Variants in SNX17 observed in about 807,000 individuals in gnomAD.
The protein encoded by SNX17 is sorting nexin-17.
SNX17 carries 35 observed loss-of-function variants against 64.3 expected under a neutral mutation model. The ratio of observed to expected loss-of-function variants is 0.54; its 90% CI spans 0.42 to 0.72. The LOEUF (loss-of-function observed/expected upper bound fraction) is 0.72, where lower values mean the gene tolerates loss of function less well. Ranked by LOEUF, SNX17 falls within the 30% of genes least tolerant of loss-of-function variation. The probability of loss-of-function intolerance (pLI) is 0.00; values close to 1 mark genes in which losing one functional copy is unlikely to be tolerated. For synonymous variants in SNX17, 259 were observed against 230.2 expected (o/e 1.13, Z -1.13); for missense variants, 538 against 610.0 (o/e 0.88, Z 1.24).
chr2:27,376,812 T>G lies in SNX17; in HGVS notation c.*93T>G, dbSNP rs573581841. ...CCCCCATGCTAGGGGCGGAGGGGTC[T>G]TTTCCTTCTTCTTTCCTACCTACCC... On this transcript the variant is annotated 3_prime_UTR_variant, in exon 15 of 15. Coordinates refer to ENST00000233575, the MANE Select transcript of SNX17 (RefSeq NM_014748.4). 9.6e-7 allele frequency: 1 copy of G among 1,038,898 alleles called. No homozygotes were observed. The highest frequency in any genetic ancestry group is 2.1e-5 in the Admixed American group (1 of 47,450). 64.4% of individuals were successfully genotyped at this position (1,038,898 alleles called of 1,614,324 possible). A position where few individuals can be genotyped will look rare whatever the true frequency, so the allele number is the denominator to read the frequency against.
At position 27,375,849 on chromosome 2, in the gene SNX17, C is replaced by T; in HGVS notation, c.982C>T (p.Pro328Ser). The T allele has an allele frequency of 6.2e-7, 1 of 1,613,954 alleles. No homozygotes were observed. Among genetic ancestry groups the T allele is most frequent in the South Asian group, 1.1e-5 (1 of 91,066 alleles). ...CGAATTCCCCTTCCTCTCCCAGGTA[C>T]CATTGCCCAGTGGAAGCACGAGCAG... ...MRCWRVTSSV[P>S]LPSGSTSSPG... is the part of the protein sequence containing the mutation. The change falls in exon 11 of 15, where the codon CCA becomes TCA. Residue 328 changes from proline to serine, a missense_variant. Pro to Ser is a moderately conservative substitution (Grantham distance 74). Around this residue, in one of 3 missense-constraint regions of SNX17, gnomAD observed 505 missense variants for 550.4 expected, o/e 0.92. Coordinates refer to ENST00000233575, the MANE Select transcript of SNX17 (RefSeq NM_014748.4). This position sits in a 1 kb window ranked among gnomAD's most constrained non-coding sequence, Gnocchi z 4.1.
chr2:27,373,786 C>T, intron 4 of SNX17, 75 bp from the exon 5 acceptor site: 1 of 1,012,162 alleles, frequency 9.9e-7, no homozygotes, highest in Non-Finnish European at 1.5e-6. Context: ...CACAAGGGAC[C>T]TAGAAATAGA....
chr2:27,373,009 C>T lies in SNX17; in HGVS notation c.257-238C>T, dbSNP rs757459651. The T allele has an allele frequency of 5.3e-6, 8 of 1,520,500 alleles. No homozygotes were observed. The South Asian group carries it at 8.5e-5, about 16-fold the overall frequency. 94.2% of individuals were successfully genotyped at this position (1,520,500 alleles called of 1,614,324 possible). ...GAGAACTTAATTTGTATCTGATGTG[C>T]TTTAGATTAACATCATTGTTATTTC... On this transcript the variant is annotated intron_variant, in intron 3 of 14. Transcript: ENST00000233575.
chr2:27,374,591 A>C (rs2148401172), intron 7 of SNX17, 98 bp from the exon 8 acceptor site: 1 of 1,314,812 alleles, frequency 7.6e-7, no homozygotes, highest in South Asian at 1.2e-5. Context: ...TTAGCCCCTG[A>C]TAGTTCCAGA....
At chr2:27,372,248 C>T (rs1195791503) in intron 2 of SNX17, among the ~76,000 whole-genome samples, 3 of 152,206 alleles carry the variant, frequency 2.0e-5, no homozygotes, top group Non-Finnish European at 2.9e-5. Flanking sequence ...CCCTTTAAGT[C>T]CTAAGATATT....
chr2:27,377,417 C>CAG lies in SNX17; in HGVS notation c.*698_*699insAG. On this transcript the variant is annotated 3_prime_UTR_variant, in exon 15 of 15. Coordinates refer to ENST00000233575, the MANE Select transcript of SNX17 (RefSeq NM_014748.4). This position sits in a 1 kb window ranked among gnomAD's most constrained non-coding sequence, Gnocchi z 4.4. ...CAAGGTCCCCTGGTCCATATGGGCC[C>CAG]CCCCGCCCATGGGGTTGGGCTGGTC... The CAG allele has an allele frequency of 9.6e-7, 1 of 1,041,080 alleles. No individual in the cohort carries two copies. Among genetic ancestry groups the CAG allele is most frequent in the Admixed American group, 2.0e-5 (1 of 50,778 alleles). The allele number at this position is 1,041,080 out of a possible 1,614,324, so 64.5% of individuals were successfully genotyped here. A position where few individuals can be genotyped will look rare whatever the true frequency, so the allele number is the denominator to read the frequency against.
chr2:27,375,953 C>G lies in SNX17; in HGVS notation c.1086C>G (p.Val362=). Residue 362 remains valine (V), a synonymous_variant, in exon 11 of 15, where the codon GTC becomes GTG. Coordinates refer to ENST00000233575, the MANE Select transcript of SNX17 (RefSeq NM_014748.4). The surrounding 1 kb of genome is among the most constrained non-coding windows in gnomAD (Gnocchi z 4.1). The part of the protein sequence containing the change: ...YLMSKDRLQW[V]TITSPQAIMM... ...TGAGCAAGGACCGGCTACAGTGGGT[C>G]ACCATCACTAGCCCCCAGGTGTGAA... 6.2e-7 allele frequency: 1 copy of G among 1,614,118 alleles called. No individual in the cohort carries two copies. Among genetic ancestry groups the G allele is most frequent in the Non-Finnish European group, 8.5e-7 (1 of 1,180,020 alleles).
At position 27,373,549 on chromosome 2, in the gene SNX17, G is replaced by A. The variant is rs545519954; in HGVS notation, c.321+238G>A. The A allele has an allele frequency of 5.4e-4, 293 of 542,502 alleles. 1 individual carries two copies. Among genetic ancestry groups the A allele is most frequent in the South Asian group, 3.2e-3 (154 of 48,580 alleles). The allele number at this position is 542,502 out of a possible 1,614,324, so 33.6% of individuals were successfully genotyped here. A position where few individuals can be genotyped will look rare whatever the true frequency, so the allele number is the denominator to read the frequency against. ...GGCTCATTTTTGTATTTTTAGTGGA[G>A]ACGGGGTTTTGCCGTGTTGGCCTGG... On this transcript the variant is annotated intron_variant, in intron 4 of 14. Coordinates refer to ENST00000233575, the MANE Select transcript of SNX17 (RefSeq NM_014748.4).
In SNX17 at chr2:27,375,953, C is replaced by T; in HGVS notation, c.1086C>T (p.Val362=). Residue 362 remains valine (V), a synonymous_variant, in exon 11 of 15, where the codon GTC becomes GTT. Coordinates refer to ENST00000233575, the MANE Select transcript of SNX17 (RefSeq NM_014748.4). This position sits in a 1 kb window ranked among gnomAD's most constrained non-coding sequence, Gnocchi z 4.1. Reference sequence around the variant, plus strand: ...TGAGCAAGGACCGGCTACAGTGGGTCACCATCACTAGCCCCCAGGTGTGAA... The same window carrying T: ...TGAGCAAGGACCGGCTACAGTGGGTTACCATCACTAGCCCCCAGGTGTGAA... The part of the protein sequence containing the change: ...YLMSKDRLQW[V]TITSPQAIMM... 1 of 1,614,118 alleles carries T rather than the reference C, an allele frequency of 6.2e-7. No homozygotes were observed. Among genetic ancestry groups the T allele is most frequent in the Non-Finnish European group, 8.5e-7 (1 of 1,180,020 alleles).
At position 27,375,463 on chromosome 2, in the gene SNX17, A is replaced by G. The variant is rs755666638; in HGVS notation, c.775-43A>G. ...GGGGTTGCTTTTTCTGAGCTGCCCC[A>G]TTCTCCCTCCTAATCTACCCCCATG... is the stretch of plus-strand genomic sequence containing the variant. On this transcript the variant is annotated intron_variant, in intron 9 of 14. Coordinates refer to ENST00000233575, the MANE Select transcript of SNX17 (RefSeq NM_014748.4). This position sits in a 1 kb window ranked among gnomAD's most constrained non-coding sequence, Gnocchi z 4.1. 5 of 1,604,652 alleles carry G rather than the reference A, an allele frequency of 3.1e-6. No individual in the cohort carries two copies. Among genetic ancestry groups the G allele is most frequent in the Admixed American group, 3.3e-5 (2 of 59,982 alleles).
At chr2:27,373,043 T>C in intron 3 of SNX17, 3 of 1,547,702 alleles carry the variant, frequency 1.9e-6, no homozygotes, top group Non-Finnish European at 2.6e-6. Context: ...TCCCTAGTTC[T>C]ATAGACTGGA....
chr2:27,376,088 C>T lies in SNX17; in HGVS notation c.1105-18C>T. 1 of 1,614,096 alleles carries T rather than the reference C, an allele frequency of 6.2e-7. No individual in the cohort carries two copies. The highest frequency in any genetic ancestry group is 8.5e-7 in the Non-Finnish European group (1 of 1,179,972). ...GAGTGACCACTCTCATCAAGCTGGA[C>T]ACTCTTCTTGCCCTCAGGCTATCAT... On this transcript the variant is annotated intron_variant, in intron 11 of 14. Coordinates refer to ENST00000233575, the MANE Select transcript of SNX17 (RefSeq NM_014748.4).
intron 3 of SNX17, chr2:27,373,013 A>G: frequency 6.5e-7 from 1 of 1,527,146 alleles, no homozygotes; most frequent in Non-Finnish European, 8.9e-7. Context: ...GATGTGCTTT[A>G]GATTAACATC....
In SNX17 at chr2:27,376,151, A is replaced by C. The variant is rs1683192651; in HGVS notation, c.1150A>C (p.Met384Leu). 6.2e-7 allele frequency: 1 copy of C among 1,613,970 alleles called. No individual in the cohort carries two copies. Among genetic ancestry groups the C allele is most frequent in the African/African-American group, 1.3e-5 (1 of 74,878 alleles). ...CTTGCAGTCCATGGTTGATGAACTG[A>C]TGGTGAAGAAATCTGGCGGCAGTAT... is the stretch of plus-strand genomic sequence containing the variant. ...ICLQSMVDELMVKKSGGSIRK... is the reference protein window; with the variant it reads ...ICLQSMVDELLVKKSGGSIRK... The change falls in exon 12 of 15, where the codon ATG becomes CTG. Residue 384 changes from methionine to leucine, a missense_variant. Physicochemically the swap from Met to Leu is conservative, Grantham distance 15. Coordinates refer to ENST00000233575, the MANE Select transcript of SNX17 (RefSeq NM_014748.4).
chr2:27,373,088 A>T (rs1682805193), intron 3 of SNX17, 159 bp from the exon 4 acceptor site: 1 of 1,559,718 alleles, frequency 6.4e-7, no homozygotes, highest in African/African-American at 1.4e-5. Flanking sequence ...GGGGCAGGTG[A>T]AGAATTTATG....
intron 5 of SNX17, 29 bp from the exon 6 acceptor site, chr2:27,374,056 A>G (rs1196517448): frequency 3.1e-6 from 5 of 1,611,382 alleles, no homozygotes; most frequent in Non-Finnish European, 4.2e-6. Flanking sequence ...AGCCAGTATG[A>G]TGAGCTGTAC....
chr2:27,372,496 A>G, intron 2 of SNX17, 127 bp from the exon 3 acceptor site: 3 of 1,322,508 alleles, frequency 2.3e-6, no homozygotes, highest in South Asian at 1.3e-5. Flanking sequence ...TCAGATGACC[A>G]GGGTAGACAG....
In SNX17 at chr2:27,377,535, A is replaced by C. The variant is rs1251306896; in HGVS notation, c.*816A>C. The C allele has an allele frequency of 6.2e-7, 1 of 1,613,640 alleles. No individual in the cohort carries two copies. Among genetic ancestry groups the C allele is most frequent in the East Asian group, 2.2e-5 (1 of 44,874 alleles). ...CCGTCTGTATAAAACATGGGGAAGA[A>C]GGACCTAGTTCAGGATGAGTCTGTG... On this transcript the variant is annotated 3_prime_UTR_variant, in exon 15 of 15. Coordinates refer to ENST00000233575, the MANE Select transcript of SNX17 (RefSeq NM_014748.4). This position sits in a 1 kb window ranked among gnomAD's most constrained non-coding sequence, Gnocchi z 4.4.
chr2:27,370,647 T>G lies in SNX17; in HGVS notation c.-97T>G. On this transcript the variant is annotated 5_prime_UTR_variant, in exon 1 of 15. Coordinates refer to ENST00000233575, the MANE Select transcript of SNX17 (RefSeq NM_014748.4). Reference sequence around the variant, plus strand: ...ATCGCAGGGCTCCCAAAATGGCGAGTGAGGCTGCGGGGACTCGCTGAGCAG... The same window carrying G: ...ATCGCAGGGCTCCCAAAATGGCGAGGGAGGCTGCGGGGACTCGCTGAGCAG... 2 of 1,462,270 alleles carry G rather than the reference T, an allele frequency of 1.4e-6. No homozygotes were observed. Among genetic ancestry groups the G allele is most frequent in the Non-Finnish European group, 1.8e-6 (2 of 1,104,796 alleles). 90.6% of individuals were successfully genotyped at this position (1,462,270 alleles called of 1,614,324 possible). A position where few individuals can be genotyped will look rare whatever the true frequency, so the allele number is the denominator to read the frequency against.
Sources: allele counts gnomAD v4.1 joint callset (sites outside exome capture counted in the v4.1 genomes callset), GRCh38; gene constraint gnomAD v4.1.1; regional missense constraint gnomAD v4.1.1; non-coding constraint Gnocchi (gnomAD v3.1); transcripts MANE v1.5; gene names NCBI Gene and HGNC (gene_info 2026-07-23, HGNC 2026-07-21).